Variants in TMBIM4 observed in about 807,000 individuals in gnomAD.
TMBIM4 encodes the protein protein lifeguard 4.
TMBIM4 carries 28 observed loss-of-function variants against 27.7 expected under a neutral mutation model. The ratio of observed to expected loss-of-function variants is 1.01; its 90% CI spans 0.75 to 1.38. TMBIM4 has a LOEUF of 1.38. Among genes scored for constraint, TMBIM4 ranks in the 40% most tolerant of loss-of-function variants. The probability of loss-of-function intolerance (pLI) is 0.00; values close to 1 mark genes in which losing one functional copy is unlikely to be tolerated. For synonymous variants in TMBIM4, 115 were observed against 113.1 expected (o/e 1.02, Z -0.11); for missense variants, 265 against 277.5 (o/e 0.95, Z 0.32).
chr12:66,165,959 G>A (rs1565789762), intron 1 of TMBIM4, among the ~76,000 whole-genome samples: 1 of 152,112 alleles, frequency 6.6e-6, no homozygotes, highest in Non-Finnish European at 1.5e-5. Context: ...TCTGTTGCCT[G>A]TTTTTGGTGT....
intron 1 of TMBIM4, among the ~76,000 whole-genome samples, chr12:66,167,442 T>C (rs2052150680): frequency 6.6e-6 from 1 of 152,234 alleles, no homozygotes; most frequent in South Asian, 2.1e-4. Context: ...GGCAAAGGAC[T>C]TGAATAACAT....
At chr12:66,153,961 T>C (rs1032639246) in intron 1 of TMBIM4, among the ~76,000 whole-genome samples, 1 of 152,200 alleles carries the variant, frequency 6.6e-6, no homozygotes, top group African/African-American at 2.4e-5. Context: ...TTCTCATTTA[T>C]AGTACCCCTG....
Position 66,137,375 on chromosome 12 carries a change from G to C in TMBIM4, c.*585C>G, listed in dbSNP as rs907945412. On this transcript the variant is annotated 3_prime_UTR_variant, in exon 7 of 7. Transcript: ENST00000358230. ...TTTTGAATTGCAAACGAACTGCTATGCGTGGCTAATTTAGGAAGAAAAATT... is the reference window on the plus strand; with the variant it reads ...TTTTGAATTGCAAACGAACTGCTATCCGTGGCTAATTTAGGAAGAAAAATT... 6.6e-6 allele frequency: 1 copy of C among 152,044 alleles called. No homozygotes were observed. The highest frequency in any genetic ancestry group is 1.5e-5 in the Non-Finnish European group (1 of 68,060). The allele number at this position is 152,044 out of a possible 1,614,324, so 9.4% of individuals were successfully genotyped here. A position where few individuals can be genotyped will look rare whatever the true frequency, so the allele number is the denominator to read the frequency against.
chr12:66,157,222 G>T (rs1194340414), intron 1 of TMBIM4, among the ~76,000 whole-genome samples: 1 of 152,006 alleles, frequency 6.6e-6, no homozygotes, highest in East Asian at 1.9e-4. Flanking sequence ...CTCAGGGAAG[G>T]CCAGCTATGT....
In TMBIM4 at chr12:66,137,333, T is replaced by C. The variant is rs1592530308; in HGVS notation, c.*627A>G. 1 of 152,212 alleles carries C rather than the reference T, an allele frequency of 6.6e-6. No individual in the cohort carries two copies. The highest frequency in any genetic ancestry group is 1.9e-4 in the East Asian group (1 of 5,206). The allele number at this position is 152,212 out of a possible 1,614,324, so 9.4% of individuals were successfully genotyped here. A position where few individuals can be genotyped will look rare whatever the true frequency, so the allele number is the denominator to read the frequency against. ...AGACAACGGTAAACTGATATTCTTA[T>C]CTACTCATAAAATTATTTTTGAATT... On this transcript the variant is annotated 3_prime_UTR_variant, in exon 7 of 7. Coordinates refer to ENST00000358230, the MANE Select transcript of TMBIM4 (RefSeq NM_016056.4).
chr12:66,158,696 T>C (rs2051987998), intron 1 of TMBIM4, among the ~76,000 whole-genome samples: 3 of 151,560 alleles, frequency 2.0e-5, no homozygotes, highest in South Asian at 4.2e-4. Flanking sequence ...CTTAAGGAAG[T>C]TGTCACTCAG....
intron 1 of TMBIM4, among the ~76,000 whole-genome samples, chr12:66,163,589 A>G (rs1297768803): frequency 1.3e-5 from 2 of 152,222 alleles, no homozygotes; most frequent in Non-Finnish European, 2.9e-5. Flanking sequence ...TCACAAGAAC[A>G]GCATGAAGGT....
At position 66,145,885 on chromosome 12, in the gene TMBIM4, C is replaced by T; in HGVS notation, c.420G>A (p.Val140=). 1 of 1,607,504 alleles carries T rather than the reference C, an allele frequency of 6.2e-7. No homozygotes were observed. Among genetic ancestry groups the T allele is most frequent in the East Asian group, 2.2e-5 (1 of 44,752 alleles). ...LTTTVFFGLT[V]YTLQSKKDFS... ...AATCCTTCTTAGATTGTAGAGTATA[C>T]ACAGTCAAACCAAAAAATACTGTAG... Residue 140 remains valine (V), a synonymous_variant, in exon 5 of 7, where the codon GTG becomes GTA. Transcript: ENST00000358230.
At chr12:66,156,048 T>C (rs1395506201) in intron 1 of TMBIM4, among the ~76,000 whole-genome samples, 1 of 152,212 alleles carries the variant, frequency 6.6e-6, no homozygotes, top group Non-Finnish European at 1.5e-5. Flanking sequence ...CATAACTTTT[T>C]CTATACTTTA....
intron 3 of TMBIM4, among the ~76,000 whole-genome samples, chr12:66,148,322 G>A (rs948586295): frequency 2.0e-5 from 3 of 152,136 alleles, no homozygotes; most frequent in Non-Finnish European, 4.4e-5. Flanking sequence ...AAAATATTTA[G>A]GTAGTACTTT....
intron 5 of TMBIM4, among the ~76,000 whole-genome samples, chr12:66,142,912 T>C (rs2051692239): frequency 6.6e-6 from 1 of 152,140 alleles, no homozygotes; most frequent in Non-Finnish European, 1.5e-5. Flanking sequence ...CAGACACTAT[T>C]GACAATACAT....
chr12:66,145,377 T>A (rs943809780), intron 5 of TMBIM4: 12 of 152,366 alleles, frequency 7.9e-5, no homozygotes, highest in African/African-American at 2.9e-4. Context: ...ATAAAAAGGA[T>A]CATTCCGTAT....
At chr12:66,147,693 TTTTA>T (rs1218668085) in intron 4 of TMBIM4, among the ~76,000 whole-genome samples, 2 of 152,204 alleles carry the variant, frequency 1.3e-5, no homozygotes, top group East Asian at 1.9e-4. Flanking sequence ...TCTCCATTCC[TTTTA>T]TTTTTCTTTT....
intron 4 of TMBIM4, among the ~76,000 whole-genome samples, chr12:66,146,809 A>G (rs2051759542): frequency 6.6e-6 from 1 of 152,168 alleles, no homozygotes. Flanking sequence ...TTATGCCATT[A>G]CAGGATTAGG....
chr12:66,169,564 C>T (rs1210586752), intron 1 of TMBIM4: 2 of 480,040 alleles, frequency 4.2e-6, no homozygotes, highest in African/African-American at 2.0e-5. Context: ...TTCCATCTGT[C>T]CCTTCCTACA....
intron 1 of TMBIM4, among the ~76,000 whole-genome samples, chr12:66,157,404 T>C (rs1214954113): frequency 2.0e-5 from 3 of 152,128 alleles, no homozygotes; most frequent in Non-Finnish European, 2.9e-5. Flanking sequence ...CACTAGCCAA[T>C]ATCTTGACCA....
intron 1 of TMBIM4, among the ~76,000 whole-genome samples, chr12:66,161,618 C>T (rs1446583519): frequency 6.6e-6 from 1 of 152,184 alleles, no homozygotes; most frequent in Non-Finnish European, 1.5e-5. Context: ...TTATTTAGTA[C>T]TGGTGTAGTC....
intron 1 of TMBIM4, among the ~76,000 whole-genome samples, chr12:66,166,087 A>G (rs2052121806): frequency 6.6e-6 from 1 of 152,214 alleles, no homozygotes; most frequent in Non-Finnish European, 1.5e-5. Flanking sequence ...TTTTGTATAC[A>G]GTTTAAGGTA....
At chr12:66,153,729 G>A (rs1293092689) in intron 1 of TMBIM4, among the ~76,000 whole-genome samples, 8 of 152,024 alleles carry the variant, frequency 5.3e-5, no homozygotes, top group African/African-American at 1.9e-4. Context: ...TGTATTAAAT[G>A]CCTAGTTGTA....
Sources: allele counts gnomAD v4.1 joint callset (sites outside exome capture counted in the v4.1 genomes callset), GRCh38; gene constraint gnomAD v4.1.1; transcripts MANE v1.5; gene names NCBI Gene and HGNC (gene_info 2026-07-23, HGNC 2026-07-21).